Variants in TRIB3 observed in about 807,000 individuals in gnomAD.
The protein encoded by TRIB3 is tribbles pseudokinase 3.
Under a neutral mutation model 16.6 loss-of-function variants are expected in TRIB3, and 20 were observed. The observed-to-expected ratio is 1.20, with a 90% CI of 0.85 to 1.75. The LOEUF (loss-of-function observed/expected upper bound fraction) is 1.75, where lower values mean the gene tolerates loss of function less well. Ranked by LOEUF, TRIB3 falls within the 40% of genes most tolerant of loss-of-function variation. The probability of loss-of-function intolerance (pLI) is 0.00; values close to 1 mark genes in which losing one functional copy is unlikely to be tolerated. For synonymous variants in TRIB3, 208 were observed against 217.0 expected (o/e 0.96, Z 0.36); for missense variants, 484 against 488.9 (o/e 0.99, Z 0.10).
chr20:384,495 C>T (rs1301995117), intron 1 of TRIB3, among the ~76,000 whole-genome samples: 1 of 152,132 alleles, frequency 6.6e-6, no homozygotes, highest in African/African-American at 2.4e-5. Context: ...TCCCGAGTAG[C>T]TGGGACTACA....
chr20:382,864 G>A (rs1402542706), intron 1 of TRIB3, among the ~76,000 whole-genome samples: 3 of 152,168 alleles, frequency 2.0e-5, no homozygotes, highest in African/African-American at 7.2e-5. Flanking sequence ...TCACTCATGT[G>A]GGGAGGCCTT....
intron 1 of TRIB3, among the ~76,000 whole-genome samples, chr20:381,928 C>T (rs931450130): frequency 2.0e-5 from 3 of 152,184 alleles, no homozygotes; most frequent in African/African-American, 4.8e-5. Context: ...TTCCCTCTGC[C>T]TCACCCCCCT....
intron 1 of TRIB3, among the ~76,000 whole-genome samples, chr20:383,481 C>T (rs925980869): frequency 3.3e-5 from 5 of 152,200 alleles, no homozygotes; most frequent in Non-Finnish European, 7.3e-5. Context: ...GACAGTCTCA[C>T]TTTGTTGCAC....
chr20:388,176 C>T lies in TRIB3; in HGVS notation c.166C>T (p.Pro56Ser). 6.2e-7 allele frequency: 1 copy of T among 1,614,006 alleles called. No homozygotes were observed. The highest frequency in any genetic ancestry group is 8.5e-7 in the Non-Finnish European group (1 of 1,180,032). Residue 56 changes from proline (P) to serine (S), a missense_variant, in exon 2 of 4, where the codon CCA becomes TCA. Physicochemically the swap from Pro to Ser is moderately conservative, Grantham distance 74 (BLOSUM62 -1). Coordinates refer to ENST00000217233, the MANE Select transcript of TRIB3 (RefSeq NM_021158.5). The part of the protein sequence containing the change: ...CLLPLSPPTA[P>S]DRATAVATAS... ...GTTGCCCCTGAGCCCACCTACTGCTCCAGATCGTGCAACTGCTGTGGCCAC... is the reference window on the plus strand; with the variant it reads ...GTTGCCCCTGAGCCCACCTACTGCTTCAGATCGTGCAACTGCTGTGGCCAC...
chr20:392,478 C>T (rs774090331), intron 3 of TRIB3, among the ~76,000 whole-genome samples: 4 of 152,076 alleles, frequency 2.6e-5, no homozygotes, highest in African/African-American at 4.8e-5. Flanking sequence ...GTTCCCCACA[C>T]GGGAACGTTT....
chr20:393,196 TC>T (rs1297977911), intron 3 of TRIB3, among the ~76,000 whole-genome samples: 1 of 152,186 alleles, frequency 6.6e-6, no homozygotes, highest in Non-Finnish European at 1.5e-5. Context: ...GATTCCCACT[TC>T]CCGAGTTTCC....
At chr20:387,299 C>G (rs906317839) in intron 1 of TRIB3, among the ~76,000 whole-genome samples, 1 of 152,112 alleles carries the variant, frequency 6.6e-6, no homozygotes, top group Non-Finnish European at 1.5e-5. Flanking sequence ...CACCTGAACC[C>G]TGAGGTCGAG....
chr20:391,351 A>G lies in TRIB3; in HGVS notation c.356A>G (p.His119Arg). The G allele has an allele frequency of 1.2e-6, 2 of 1,613,494 alleles. No individual in the cohort carries two copies. The highest frequency in any genetic ancestry group is 1.7e-6 in the Non-Finnish European group (2 of 1,180,012). ...TATGCGCGGCTGCCCCCGCACAAGCATGTGGCTCGGCCCACTGAGGTCCTG... is the reference window on the plus strand; with the variant it reads ...TATGCGCGGCTGCCCCCGCACAAGCGTGTGGCTCGGCCCACTGAGGTCCTG... ...EPYARLPPHK[H>R]VARPTEVLAG... The change falls in exon 3 of 4, where the codon CAT becomes CGT. Residue 119 changes from histidine to arginine, a missense_variant. His to Arg is a conservative substitution (Grantham distance 29). Transcript: ENST00000217233.
rs1386222937 is a variant in TRIB3, at chr20:388,263, G to A, written c.253G>A (p.Ala85Thr). 1.2e-6 allele frequency: 2 copies of A among 1,612,878 alleles called. No individual in the cohort carries two copies. Among genetic ancestry groups the A allele is most frequent in the Non-Finnish European group, 1.7e-6 (2 of 1,179,970 alleles). ...EPEEGGRAYQ[A>T]LHCPTGTEYT... ...CGAGGAGGGCGGGCGGGCCTACCAG[G>A]CCCTGCACTGCCCTACAGGCACTGA... Residue 85 changes from alanine (A) to threonine (T), a missense_variant, in exon 2 of 4, where the codon GCC becomes ACC. Transcript: ENST00000217233.
At chr20:382,126 T>TGTGTGCGC (rs1374416475) in intron 1 of TRIB3, among the ~76,000 whole-genome samples, 36 of 83,958 alleles carry the variant, frequency 4.3e-4, no homozygotes, top group Non-Finnish European at 7.9e-4. Flanking sequence ...TGTGTGTGTG[T>TGTGTGCGC]GCGTGCGCGC....
At chr20:395,360 C>T (rs1250843484) in intron 3 of TRIB3, among the ~76,000 whole-genome samples, 6 of 151,850 alleles carry the variant, frequency 4.0e-5, no homozygotes, top group East Asian at 1.9e-4. Flanking sequence ...AGGTTTTTAC[C>T]GTGTTGCCCA....
chr20:391,171 G>T (rs762231216), intron 2 of TRIB3, 116 bp from the exon 3 acceptor site: 7 of 1,170,586 alleles, frequency 6.0e-6, no homozygotes, highest in South Asian at 5.5e-5. Context: ...TCAGTGAAGC[G>T]CTTGGTGCGA....
chr20:384,853 C>T lies in TRIB3; in HGVS notation c.1-3158C>T, dbSNP rs146033117. Among the ~76,000 whole-genome samples, 8 of 152,286 alleles carry T rather than the reference C, an allele frequency of 5.3e-5. No individual in the cohort carries two copies. In the East Asian group the frequency reaches 1.5e-3, roughly 29 times the overall value. ...GAAAGGAGGAAATGAGGAAGTTGGG[C>T]CCTCCCTTTAAGAACACTGTCCTGG... is the stretch of plus-strand genomic sequence containing the variant. On this transcript the variant is annotated intron_variant, in intron 1 of 3. Coordinates refer to ENST00000217233, the MANE Select transcript of TRIB3 (RefSeq NM_021158.5).
rs575634375 is a variant in TRIB3 at position 388,000 on chromosome 20, C to T, written c.1-11C>T. 3.1e-6 allele frequency: 5 copies of T among 1,609,224 alleles called. No homozygotes were observed. The African/African-American group carries it at 5.3e-5, about 17-fold the overall frequency. ...AGTCTCACTTTAGTGCTTTTCTCTC[C>T]TTTTTACCAGATGCGAGCCACCCCT... On this transcript the variant is annotated splice_polypyrimidine_tract_variant and intron_variant, in intron 1 of 3. Coordinates refer to ENST00000217233, the MANE Select transcript of TRIB3 (RefSeq NM_021158.5).
intron 2 of TRIB3, among the ~76,000 whole-genome samples, chr20:390,829 C>A (rs2014951184): frequency 6.6e-6 from 1 of 152,040 alleles, no homozygotes; most frequent in Admixed American, 6.6e-5. Flanking sequence ...TGATGAAACC[C>A]CATCTCTACT....
intron 1 of TRIB3, among the ~76,000 whole-genome samples, chr20:384,610 C>G (rs1219218479): frequency 6.6e-6 from 1 of 152,198 alleles, no homozygotes; most frequent in African/African-American, 2.4e-5. Context: ...GATCTGCCTG[C>G]CTCGGCCTCC....
intron 1 of TRIB3, among the ~76,000 whole-genome samples, chr20:384,425 G>A (rs1000568586): frequency 2.0e-5 from 3 of 151,868 alleles, no homozygotes; most frequent in African/African-American, 4.8e-5. Flanking sequence ...GTGCAGTGGC[G>A]AGATCTCAGC....
At chr20:386,664 C>T (rs2014819632) in intron 1 of TRIB3, among the ~76,000 whole-genome samples, 1 of 152,102 alleles carries the variant, frequency 6.6e-6, no homozygotes, top group African/African-American at 2.4e-5. Context: ...CCTCCACCTC[C>T]CGGGTTCAAG....
intron 3 of TRIB3, among the ~76,000 whole-genome samples, chr20:391,826 AG>A (rs1465191527): frequency 6.6e-5 from 10 of 152,302 alleles, no homozygotes; most frequent in African/African-American, 1.7e-4. Flanking sequence ...GTTCGAGACC[AG>A]CCTGGCCAAC....
Sources: gnomAD v4.1 joint callset for allele counts (sites outside exome capture counted in the v4.1 genomes callset) on GRCh38, gnomAD v4.1.1 for gene constraint, MANE v1.5 for transcripts, NCBI Gene and HGNC (gene_info 2026-07-23, HGNC 2026-07-21) for gene names.